Variants in SLCO1B3 observed in about 807,000 individuals in gnomAD.
SLCO1B3 encodes the protein solute carrier organic anion transporter family member 1B3, also known as liver-specific organic anion transporter 2.
SLCO1B3 carries 72 observed loss-of-function variants against 71.8 expected under a neutral mutation model. That is an observed-to-expected ratio of 1.00 (90% confidence interval 0.83 to 1.22). The LOEUF is 1.22. SLCO1B3 is among the 50% of genes most tolerant of loss of function. The pLI is 0.00. For synonymous variants in SLCO1B3, 298 were observed against 278.4 expected (o/e 1.07, Z -0.70); for missense variants, 911 against 819.7 (o/e 1.11, Z -1.36).
At chr12:20,827,293 C>G (rs1384963653) in intron 3 of SLCO1B3, among the ~76,000 whole-genome samples, 2 of 152,124 alleles carry the variant, frequency 1.3e-5, no homozygotes, top group East Asian at 3.8e-4. Flanking sequence ...TTTTATTTTA[C>G]CAGCAATTAA....
At chr12:20,833,877 TG>T (rs1864607802) in intron 3 of SLCO1B3, among the ~76,000 whole-genome samples, 4 of 126,350 alleles carry the variant, frequency 3.2e-5, no homozygotes, top group Non-Finnish European at 7.0e-5. Context: ...CTATATATAG[TG>T]TATGTATACA....
chr12:20,840,987 C>T (rs1227231191), intron 3 of SLCO1B3, among the ~76,000 whole-genome samples: 1 of 152,098 alleles, frequency 6.6e-6, no homozygotes, highest in African/African-American at 2.4e-5. Context: ...AAGAGAAAAT[C>T]ATCAAAAAAG....
intron 3 of SLCO1B3, among the ~76,000 whole-genome samples, chr12:20,844,770 C>T (rs1451688599): frequency 1.3e-5 from 2 of 150,944 alleles, no homozygotes; most frequent in South Asian, 2.1e-4. Flanking sequence ...TAGCTCATGC[C>T]TGTAATCCCA....
At chr12:20,874,672 T>C (rs977130161) in intron 8 of SLCO1B3, among the ~76,000 whole-genome samples, 11 of 152,192 alleles carry the variant, frequency 7.2e-5, no homozygotes, top group African/African-American at 2.7e-4. Context: ...AGTCCAATAT[T>C]TCTGGGTTAC....
chr12:20,863,025 A>G (rs530172680), intron 8 of SLCO1B3, among the ~76,000 whole-genome samples, 171 bp downstream of exon 8: 1 of 152,218 alleles, frequency 6.6e-6, no homozygotes, highest in East Asian at 1.9e-4. Context: ...TTTAGCTCCT[A>G]TTTATACTTT....
At chr12:20,888,217 C>T (rs577541848) in intron 13 of SLCO1B3, among the ~76,000 whole-genome samples, 1 of 151,848 alleles carries the variant, frequency 6.6e-6, no homozygotes, top group South Asian at 2.1e-4. Flanking sequence ...TTTTTTGGTT[C>T]CGTATGAATT....
rs1446729548 is a variant in SLCO1B3, at chr12:20,862,838, T to G, written c.711T>G (p.Ile237Met). Reference protein sequence around the residue: ...GSLFAKMYVDIGYVDLSTIRI... With the variant: ...GSLFAKMYVDMGYVDLSTIRI... ...TGTTTGCTAAAATGTACGTGGATAT[T>G]GGATATGTAGATCTGAGTAAGTACA... The change falls in exon 8 of 16, where the codon ATT becomes ATG. Residue 237 changes from isoleucine (I) to methionine (M), a missense_variant. Physicochemically the swap from Ile to Met is conservative, Grantham distance 10. Coordinates refer to ENST00000381545, the MANE Select transcript of SLCO1B3 (RefSeq NM_019844.4). 6.3e-7 allele frequency: 1 copy of G among 1,591,714 alleles called. No individual in the cohort carries two copies. The highest frequency in any genetic ancestry group is 8.6e-7 in the Non-Finnish European group (1 of 1,159,756).
At chr12:20,887,390 T>C (rs1392569689) in intron 13 of SLCO1B3, among the ~76,000 whole-genome samples, 3 of 152,062 alleles carry the variant, frequency 2.0e-5, no homozygotes, top group Non-Finnish European at 1.5e-5. Flanking sequence ...TCTTGACTTT[T>C]GACCTTGTAA....
In SLCO1B3 at chr12:20,828,810, A is replaced by G. The variant is rs193222507; in HGVS notation, c.84+12988A>G. On this transcript the variant is annotated intron_variant, in intron 3 of 15. Transcript: ENST00000381545. ...AAGTAACACAACTATCAACCCAGAA[A>G]AGATTGGATTTAGGAACCAAACCCA... is the stretch of plus-strand genomic sequence containing the variant. Among the ~76,000 whole-genome samples the G allele has an allele frequency of 4.6e-5, 7 of 152,276 alleles. No individual in the cohort carries two copies. The East Asian group carries it at 1.2e-3, about 25-fold the overall frequency.
intron 4 of SLCO1B3, among the ~76,000 whole-genome samples, chr12:20,857,384 A>G (rs945774975): frequency 6.6e-6 from 1 of 152,008 alleles, no homozygotes; most frequent in African/African-American, 2.4e-5. Flanking sequence ...TGAAACATGT[A>G]TGAGATAAAT....
intron 12 of SLCO1B3, among the ~76,000 whole-genome samples, chr12:20,882,016 C>G (rs551385322): frequency 6.6e-6 from 1 of 152,176 alleles, no homozygotes; most frequent in Non-Finnish European, 1.5e-5. Flanking sequence ...TAAACTTGCA[C>G]ATTTGTGGCC....
At chr12:20,812,914 T>G (rs765339562) in intron 1 of SLCO1B3, among the ~76,000 whole-genome samples, 2 of 152,180 alleles carry the variant, frequency 1.3e-5, no homozygotes, top group Non-Finnish European at 1.5e-5. Context: ...AAAATAAATA[T>G]TTTCCAACTT....
intron 3 of SLCO1B3, among the ~76,000 whole-genome samples, chr12:20,852,481 T>G (rs1032947465): frequency 6.6e-6 from 1 of 152,072 alleles, no homozygotes; most frequent in Non-Finnish European, 1.5e-5. Context: ...TCTGTAAAAA[T>G]TCAAAATTTA....
At chr12:20,828,695 T>C (rs1266702947) in intron 3 of SLCO1B3, among the ~76,000 whole-genome samples, 1 of 152,024 alleles carries the variant, frequency 6.6e-6, no homozygotes, top group Non-Finnish European at 1.5e-5. Flanking sequence ...TATTAGCTTT[T>C]AATTAAGCTG....
At chr12:20,885,306 A>G (rs140700766) in intron 13 of SLCO1B3, among the ~76,000 whole-genome samples, 15 of 152,270 alleles carry the variant, frequency 9.9e-5, no homozygotes, top group African/African-American at 2.9e-4. Context: ...TAGACTCAGC[A>G]GGAGTGTAGA....
rs369164160 is a variant in SLCO1B3 at position 20,901,367 on chromosome 12, A to G, written c.1765A>G (p.Ile589Val). ...TGTTGCAGGAGGAATTCTAGCTCCAATATATTTTGGGGCTCTGATTGATAA... is the reference window on the plus strand; with the variant it reads ...TGTTGCAGGAGGAATTCTAGCTCCAGTATATTTTGGGGCTCTGATTGATAA... ...IRTLGGILAPIYFGALIDKTC... is the reference protein window; with the variant it reads ...IRTLGGILAPVYFGALIDKTC... Residue 589 changes from isoleucine to valine, a missense_variant, in exon 15 of 16, where the codon ATA (isoleucine) becomes GTA (valine). Transcript: ENST00000381545. 2.5e-6 allele frequency: 4 copies of G among 1,579,152 alleles called. No homozygotes were observed. In the African/African-American group the frequency reaches 4.1e-5, roughly 16 times the overall value.
At chr12:20,894,848 T>C (rs554387160) in intron 13 of SLCO1B3, among the ~76,000 whole-genome samples, 5 of 152,240 alleles carry the variant, frequency 3.3e-5, no homozygotes, top group African/African-American at 1.2e-4. Flanking sequence ...ATGCTGCTGA[T>C]AAAGACATAC....
chr12:20,850,083 A>G (rs1487427111), intron 3 of SLCO1B3, among the ~76,000 whole-genome samples: 1 of 148,364 alleles, frequency 6.7e-6, no homozygotes, highest in Non-Finnish European at 1.5e-5. Flanking sequence ...ACTGAAAGTC[A>G]TATGAAATGG....
At chr12:20,913,743 C>T (rs1565611883) in intron 15 of SLCO1B3, among the ~76,000 whole-genome samples, 1 of 151,926 alleles carries the variant, frequency 6.6e-6, no homozygotes, top group Non-Finnish European at 1.5e-5. Context: ...TGGTTTTAAT[C>T]CTCTAACAAT....
Sources: gnomAD v4.1 joint callset for allele counts (sites outside exome capture counted in the v4.1 genomes callset) on GRCh38, gnomAD v4.1.1 for gene constraint, MANE v1.5 for transcripts, NCBI Gene and HGNC (gene_info 2026-07-23, HGNC 2026-07-21) for gene names.